The following BCAT1 variants were observed in gnomAD, a reference collection of about 807,000 sequenced individuals.
The protein encoded by BCAT1 is branched chain amino acid transaminase 1, also known as branched-chain-amino-acid aminotransferase, cytosolic.
A neutral mutation model predicts 52.4 loss-of-function variants in BCAT1; 48 were observed. The observed-to-expected ratio is 0.92, with a 90% CI of 0.73 to 1.16. BCAT1 has a LOEUF of 1.16. Ranked by LOEUF, BCAT1 falls within the 50% of genes most tolerant of loss-of-function variation. The pLI, the probability that BCAT1 is intolerant of heterozygous loss-of-function variation, is 0.00. For missense variants in BCAT1, 451 were observed against 457.1 expected (o/e 0.99, Z 0.12); for synonymous variants, 167 against 161.3 (o/e 1.04, Z -0.27).
At chr12:24,881,269 GA>G (rs758035974) in intron 4 of BCAT1, 31 bp downstream of exon 4, 21 of 1,488,884 alleles carry the variant, frequency 1.4e-5, no homozygotes, top group Non-Finnish European at 1.9e-5. Flanking sequence ...TACATTAAAA[GA>G]AACACAAAAG....
At chr12:24,925,165 A>G (rs565923859) in intron 1 of BCAT1, among the ~76,000 whole-genome samples, 72 of 152,310 alleles carry the variant, frequency 4.7e-4, no homozygotes, top group African/African-American at 1.1e-3. Context: ...ATTGCCCTCA[A>G]TGTGGGAGGG....
chr12:24,903,066 G>A (rs543629085), intron 1 of BCAT1: 2 of 1,393,550 alleles, frequency 1.4e-6, no homozygotes, highest in African/African-American at 1.5e-5. Flanking sequence ...AGCAGGCGGT[G>A]TGGCCAAGCC....
At position 24,832,794 on chromosome 12, in the gene BCAT1, C is replaced by G; in HGVS notation, c.973G>C (p.Val325Leu). ...GTACCAGAGCCAAACATCTCTCTCACTCTGTTCCCCTCCAGGGCTGTTGTC... is the reference window on the plus strand; with the variant it reads ...GTACCAGAGCCAAACATCTCTCTCAGTCTGTTCCCCTCCAGGGCTGTTGTC... The part of the protein sequence containing the change: ...DLTTALEGNR[V>L]REMFGSGTAC... Residue 325 changes from valine to leucine, a missense_variant, in exon 9 of 11, where the codon GTG (valine) becomes CTG (leucine). Transcript: ENST00000261192. The G allele has an allele frequency of 2.5e-6, 4 of 1,611,892 alleles. No individual in the cohort carries two copies. The highest frequency in any genetic ancestry group is 3.4e-6 in the Non-Finnish European group (4 of 1,178,896).
At position 24,949,021 on chromosome 12, in the gene BCAT1, C is replaced by CTCTTTTTCTTTTTTT; in HGVS notation, c.-90_-89insAAAAAAAGAAAAAGA. The CTCTTTTTCTTTTTTT allele has an allele frequency of 6.3e-6, 9 of 1,426,064 alleles. No individual in the cohort carries two copies. Among genetic ancestry groups the CTCTTTTTCTTTTTTT allele is most frequent in the Non-Finnish European group, 7.7e-6 (8 of 1,037,284 alleles). 88.3% of individuals were successfully genotyped at this position (1,426,064 alleles called of 1,614,324 possible). On this transcript the variant is annotated 5_prime_UTR_variant, in exon 1 of 11. Transcript: ENST00000261192. ...CTGGCCGTGTGGACCGGGTCTGCGG[C>CTCTTTTTCTTTTTTT]TGCAGAGCGCGGTCCCGGCTGCAGC...
chr12:24,938,598 C>T (rs1303574955), intron 1 of BCAT1, among the ~76,000 whole-genome samples: 1 of 152,026 alleles, frequency 6.6e-6, no homozygotes, highest in South Asian at 2.1e-4. Flanking sequence ...TCTGTATTTA[C>T]CAGTGGGCTG....
At chr12:24,896,357 T>G (rs1336931807) in intron 2 of BCAT1, among the ~76,000 whole-genome samples, 4 of 152,358 alleles carry the variant, frequency 2.6e-5, no homozygotes, top group Non-Finnish European at 1.5e-5. Context: ...GTTTTGAAAT[T>G]AAAATGTTAT....
At position 24,819,791 on chromosome 12, in the gene BCAT1, A is replaced by T. The variant is rs535282112; in HGVS notation, c.1120-1742T>A. ...GTTTACATGCAAAGGGGAATAAAGG[A>T]AGCCAAATGACTGTAAGTTTCTTGC... On this transcript the variant is annotated intron_variant, in intron 10 of 10. Transcript: ENST00000261192. Among the ~76,000 whole-genome samples, 14 of 152,344 alleles carry T rather than the reference A, an allele frequency of 9.2e-5. No homozygotes were observed. The South Asian group carries it at 2.9e-3, about 32-fold the overall frequency.
At chr12:24,860,227 GA>G (rs1260166875) in intron 5 of BCAT1, among the ~76,000 whole-genome samples, 3 of 151,116 alleles carry the variant, frequency 2.0e-5, no homozygotes, top group Non-Finnish European at 2.9e-5. Flanking sequence ...AGATAGAGAG[GA>G]AAAAAACTTT....
At chr12:24,844,439 T>A (rs10842415) in intron 6 of BCAT1, among the ~76,000 whole-genome samples, 14,659 of 151,602 alleles carry the variant, frequency 0.097, 892 homozygotes, top group Non-Finnish European at 0.13. Flanking sequence ...CTCAAAAAAA[T>A]AAATAAATAA....
Position 24,917,195 on chromosome 12 carries a change from CTTTTTTTTTTTT to C in BCAT1, c.7-15322_7-15311del, listed in dbSNP as rs60491814. ...ATCAGTTTTTCATTAGAGCTTTGGA[CTTTTTTTTTTTT>C]TTTTTTTTTTTTTGAGGCTGGAGTG... On this transcript the variant is annotated intron_variant, in intron 1 of 10. Transcript: ENST00000261192. Among the ~76,000 whole-genome samples the C allele has an allele frequency of 9.0e-4, 93 of 103,532 alleles. No individual in the cohort carries two copies. The South Asian group carries it at 0.019, about 21-fold the overall frequency. 67.9% of individuals were successfully genotyped at this position (103,532 alleles called of 152,430 possible).
Position 24,940,966 on chromosome 12 carries a change from G to A in BCAT1, c.6+7961C>T, listed in dbSNP as rs1396674923. 2.6e-5 allele frequency among the ~76,000 whole-genome samples: 4 copies of A among 152,172 alleles called. No homozygotes were observed. The East Asian group carries it at 7.7e-4, about 29-fold the overall frequency. On this transcript the variant is annotated intron_variant, in intron 1 of 10. Coordinates refer to ENST00000261192, the MANE Select transcript of BCAT1 (RefSeq NM_005504.7). The stretch of plus-strand genomic sequence containing the variant: ...TGTTTGTCAGGGTATGCATTCATTA[G>A]TTTGCTTAAAAACTGCATTGTTTGC...
chr12:24,910,248 G>T (rs1281959473), intron 1 of BCAT1, among the ~76,000 whole-genome samples: 1 of 151,878 alleles, frequency 6.6e-6, no homozygotes, highest in Non-Finnish European at 1.5e-5. Flanking sequence ...TTGATGGCGG[G>T]TGCCTGTAAT....
At chr12:24,857,764 T>C (rs1349596056) in intron 5 of BCAT1, among the ~76,000 whole-genome samples, 3 of 152,244 alleles carry the variant, frequency 2.0e-5, no homozygotes, top group East Asian at 1.9e-4. Flanking sequence ...CTGATTTGCA[T>C]TGTGTTACCT....
At chr12:24,825,171 C>A (rs536268609) in intron 10 of BCAT1, among the ~76,000 whole-genome samples, 1 of 151,416 alleles carries the variant, frequency 6.6e-6, no homozygotes, top group East Asian at 1.9e-4. Flanking sequence ...ATGCCACATT[C>A]TCTTTATCCA....
intron 2 of BCAT1, among the ~76,000 whole-genome samples, chr12:24,897,795 C>G (rs747080644): frequency 6.6e-6 from 1 of 152,072 alleles, no homozygotes; most frequent in Non-Finnish European, 1.5e-5. Flanking sequence ...CTCAGGTGAC[C>G]CACCCACCTC....
Position 24,898,520 on chromosome 12 carries a change from C to CTTTTTTT in BCAT1, c.78+3287_78+3293dup, listed in dbSNP as rs71448094. Among the ~76,000 whole-genome samples the CTTTTTTT allele has an allele frequency of 8.1e-3, 312 of 38,492 alleles. 87 individuals carry two copies. The highest frequency in any genetic ancestry group is 0.027 in the African/African-American group (249 of 9,320). 25.3% of individuals were successfully genotyped at this position (38,492 alleles called of 152,430 possible). On this transcript the variant is annotated intron_variant, in intron 2 of 10. Transcript: ENST00000261192. The stretch of plus-strand genomic sequence containing the variant: ...TGTTTCAGCCAGGGTTCAGTCAACA[C>CTTTTTTT]TTTTTTTTTTTTTTTTTTTTTTTTT...
At chr12:24,931,821 A>G (rs1230984908) in intron 1 of BCAT1, among the ~76,000 whole-genome samples, 2 of 152,206 alleles carry the variant, frequency 1.3e-5, no homozygotes, top group East Asian at 1.9e-4. Context: ...AGTAAAAAGG[A>G]GAACGCCACA....
intron 5 of BCAT1, among the ~76,000 whole-genome samples, chr12:24,861,981 A>G (rs1264163827): frequency 6.6e-6 from 1 of 152,256 alleles, no homozygotes; most frequent in East Asian, 1.9e-4. Flanking sequence ...GGCAGTTTAC[A>G]AATGCCATGG....
intron 3 of BCAT1, 23 bp from the exon 4 acceptor site, chr12:24,881,434 C>T (rs993186069): frequency 6.6e-7 from 1 of 1,514,518 alleles, no homozygotes; most frequent in East Asian, 2.3e-5. Flanking sequence ...GAGAAAAAAT[C>T]TTAGAGGGTA....
Sources: allele counts gnomAD v4.1 joint callset (sites outside exome capture counted in the v4.1 genomes callset), GRCh38; gene constraint gnomAD v4.1.1; transcripts MANE v1.5; gene names NCBI Gene and HGNC (gene_info 2026-07-23, HGNC 2026-07-21).